Variants in MCF2L2 observed in about 807,000 individuals in gnomAD.
MCF2L2 encodes the protein MCF.2 cell line derived transforming sequence-like 2.
MCF2L2 carries 102 observed loss-of-function variants against 150.2 expected under a neutral mutation model. The observed-to-expected ratio is 0.68, with a 90% CI of 0.58 to 0.80. The LOEUF is 0.80. Among genes scored for constraint, MCF2L2 ranks in the 30% least tolerant of loss-of-function variants. The probability of loss-of-function intolerance (pLI) is 0.00; values close to 1 mark genes in which losing one functional copy is unlikely to be tolerated. For synonymous variants in MCF2L2, 465 were observed against 491.3 expected (o/e 0.95, Z 0.71); for missense variants, 1,256 against 1,372.8 (o/e 0.91, Z 1.34).
rs1243887075 is a variant in MCF2L2 at position 183,179,144 on chromosome 3, G to A, written c.*236C>T. ...CGCGGTCGAGAAGGCGTGGGCTGCG[G>A]GCTCTGCTCGCCTCTGCAGGCGCCT... On this transcript the variant is annotated 3_prime_UTR_variant, in exon 30 of 30. Transcript: ENST00000328913. The surrounding 1 kb of genome is among the most constrained non-coding windows in gnomAD (Gnocchi z 4.2). 2 of 430,662 alleles carry A rather than the reference G, an allele frequency of 4.6e-6. No individual in the cohort carries two copies. The highest frequency in any genetic ancestry group is 7.9e-6 in the Non-Finnish European group (2 of 254,588). The allele number at this position is 430,662 out of a possible 1,614,324, so 26.7% of individuals were successfully genotyped here. A position where few individuals can be genotyped will look rare whatever the true frequency, so the allele number is the denominator to read the frequency against.
chr3:183,348,773 A>G (rs1731000337), intron 3 of MCF2L2, among the ~76,000 whole-genome samples: 1 of 151,612 alleles, frequency 6.6e-6, no homozygotes, highest in Admixed American at 6.6e-5. Context: ...ATCGGCAGAG[A>G]TAAGTTATTC....
chr3:183,301,170 T>C (rs959879369), intron 10 of MCF2L2, among the ~76,000 whole-genome samples: 2 of 152,174 alleles, frequency 1.3e-5, no homozygotes, highest in Admixed American at 1.3e-4. Context: ...AGTTTTCCTG[T>C]TTGTTTAAGC....
At chr3:183,296,799 T>C (rs972446217) in intron 12 of MCF2L2, 177 bp downstream of exon 12, 16 of 597,420 alleles carry the variant, frequency 2.7e-5, no homozygotes, top group Non-Finnish European at 4.7e-5. Flanking sequence ...GAAGACTCAG[T>C]ATGCCAGGAC....
chr3:183,427,862 G>A (rs761486930), intron 1 of MCF2L2, 40 bp downstream of exon 1: 6 of 1,553,700 alleles, frequency 3.9e-6, no homozygotes, highest in East Asian at 4.5e-5. Context: ...ATCCTCACCC[G>A]CCATTAATAA....
intron 19 of MCF2L2, 72 bp from the exon 20 acceptor site, chr3:183,223,510 G>T: frequency 8.6e-7 from 1 of 1,169,356 alleles, no homozygotes; most frequent in Non-Finnish European, 1.3e-6. Context: ...GCAGCATTTA[G>T]GTACAAAACA....
intron 13 of MCF2L2, among the ~76,000 whole-genome samples, chr3:183,291,126 T>G (rs1353107067): frequency 6.6e-6 from 1 of 152,234 alleles, no homozygotes; most frequent in East Asian, 1.9e-4. Flanking sequence ...TCCCTCTCTG[T>G]GGGATCTCTA....
chr3:183,410,721 G>C (rs923033642), intron 1 of MCF2L2, among the ~76,000 whole-genome samples: 2 of 152,222 alleles, frequency 1.3e-5, no homozygotes. Context: ...GATTCTAAAA[G>C]TTGAAAGCAT....
chr3:183,279,114 T>C lies in MCF2L2; in HGVS notation c.1777-2157A>G, dbSNP rs568696804. On this transcript the variant is annotated intron_variant, in intron 14 of 29. Transcript: ENST00000328913. ...TAGACAGATTAGTTGTGTTCTAGCA[T>C]AGTGGTTTTCAAAGCCTGACCACAA... Among the ~76,000 whole-genome samples the C allele has an allele frequency of 1.3e-3, 195 of 152,278 alleles. 1 individual carries two copies. Among genetic ancestry groups the C allele is most frequent in the African/African-American group, 4.4e-3 (181 of 41,544 alleles).
In MCF2L2 at chr3:183,354,837, T is replaced by G. The variant is rs568576847; in HGVS notation, c.276-13207A>C. ...GCTCAGAATAAAGTTCTTCAAATATTTTACAGAGTTTGGCCCTTTTGAGTC... is the reference window on the plus strand; with the variant it reads ...GCTCAGAATAAAGTTCTTCAAATATGTTACAGAGTTTGGCCCTTTTGAGTC... On this transcript the variant is annotated intron_variant, in intron 3 of 29. Transcript: ENST00000328913. Among the ~76,000 whole-genome samples, 117 of 152,256 alleles carry G rather than the reference T, an allele frequency of 7.7e-4. 2 individuals carry two copies. The highest frequency in any genetic ancestry group is 6.8e-3 in the Middle Eastern group (2 of 294).
At chr3:183,383,521 A>G (rs1461922775) in intron 2 of MCF2L2, among the ~76,000 whole-genome samples, 1 of 151,788 alleles carries the variant, frequency 6.6e-6, no homozygotes, top group Non-Finnish European at 1.5e-5. Context: ...TTACAGGCGT[A>G]AGCCACCATG....
At chr3:183,238,984 G>A (rs1397879743) in intron 15 of MCF2L2, among the ~76,000 whole-genome samples, 1 of 107,158 alleles carries the variant, frequency 9.3e-6, no homozygotes, top group Non-Finnish European at 1.7e-5. Flanking sequence ...GCAACAGAGC[G>A]ATATCCGTCT....
Position 183,353,155 on chromosome 3 carries a change from A to T in MCF2L2, c.276-11525T>A, listed in dbSNP as rs147864002. Among the ~76,000 whole-genome samples the T allele has an allele frequency of 7.2e-3, 1,101 of 152,326 alleles. 8 individuals carry two copies. Among genetic ancestry groups the T allele is most frequent in the African/African-American group, 0.025 (1,026 of 41,560 alleles). On this transcript the variant is annotated intron_variant, in intron 3 of 29. Coordinates refer to ENST00000328913, the MANE Select transcript of MCF2L2 (RefSeq NM_015078.4). Reference sequence around the variant, plus strand: ...TCTGTAGTTTCCATTTAAAAAATTTAAAAATTAAAAAAAACCCAAAGCCTC... The same window carrying T: ...TCTGTAGTTTCCATTTAAAAAATTTTAAAATTAAAAAAAACCCAAAGCCTC...
chr3:183,264,882 T>C (rs2108430626), intron 15 of MCF2L2, among the ~76,000 whole-genome samples: 1 of 152,344 alleles, frequency 6.6e-6, no homozygotes, highest in South Asian at 2.1e-4. Flanking sequence ...TGAAAAGTAT[T>C]TGGGATCTGT....
intron 1 of MCF2L2, among the ~76,000 whole-genome samples, chr3:183,405,204 T>C (rs1426641932): frequency 6.6e-6 from 1 of 152,202 alleles, no homozygotes; most frequent in Non-Finnish European, 1.5e-5. Flanking sequence ...TAGAGAGATA[T>C]AGCTCAAAAG....
At chr3:183,415,115 T>C (rs147701898) in intron 1 of MCF2L2, among the ~76,000 whole-genome samples, 2 of 152,306 alleles carry the variant, frequency 1.3e-5, no homozygotes, top group Non-Finnish European at 2.9e-5. Flanking sequence ...GTTGATCTTC[T>C]GCCTGTTTGT....
At chr3:183,389,347 G>C (rs1714013963) in intron 2 of MCF2L2, among the ~76,000 whole-genome samples, 1 of 152,212 alleles carries the variant, frequency 6.6e-6, no homozygotes, top group South Asian at 2.1e-4. Context: ...TTGTAAGGCT[G>C]AATCTTGGAA....
chr3:183,350,649 A>C (rs770164980), intron 3 of MCF2L2, among the ~76,000 whole-genome samples: 4 of 152,202 alleles, frequency 2.6e-5, no homozygotes, highest in Non-Finnish European at 4.4e-5. Context: ...TCACGCCTGT[A>C]ATCCCAGCAC....
At chr3:183,335,712 TAA>T (rs1392114533) in intron 5 of MCF2L2, among the ~76,000 whole-genome samples, 3 of 151,388 alleles carry the variant, frequency 2.0e-5, no homozygotes, top group Non-Finnish European at 4.4e-5. Context: ...TAAAAAAAAT[TAA>T]AAAATCAGCC....
chr3:183,410,947 CT>C (rs1715288879), intron 1 of MCF2L2, among the ~76,000 whole-genome samples: 1 of 152,184 alleles, frequency 6.6e-6, no homozygotes, highest in African/African-American at 2.4e-5. Flanking sequence ...GAGAGAACAG[CT>C]GTCTTAGCTC....
Sources: gnomAD v4.1 joint callset for allele counts (sites outside exome capture counted in the v4.1 genomes callset) on GRCh38, gnomAD v4.1.1 for gene constraint, Gnocchi (gnomAD v3.1) non-coding constraint, MANE v1.5 for transcripts, NCBI Gene and HGNC (gene_info 2026-07-23, HGNC 2026-07-21) for gene names.